Variants in CACNG4 observed in about 807,000 individuals in gnomAD.
The protein encoded by CACNG4 is voltage-dependent calcium channel gamma-4 subunit.
A neutral mutation model predicts 22.9 loss-of-function variants in CACNG4; 8 were observed. The observed-to-expected ratio is 0.35, with a 90% CI of 0.21 to 0.63. CACNG4 has a LOEUF of 0.63. CACNG4 is among the 30% of genes least tolerant of loss of function. The pLI is 0.72. For synonymous variants in CACNG4, 188 were observed against 191.9 expected (o/e 0.98, Z 0.17); for missense variants, 357 against 455.4 (o/e 0.78, Z 1.97).
intron 1 of CACNG4, among the ~76,000 whole-genome samples, chr17:66,977,984 C>G (rs1162975764): frequency 1.3e-5 from 2 of 152,186 alleles, no homozygotes; most frequent in Admixed American, 1.3e-4. Flanking sequence ...CTAAGGAGGC[C>G]TATCCCATAG....
intron 1 of CACNG4, among the ~76,000 whole-genome samples, chr17:66,980,234 G>T (rs76533096): frequency 0.011 from 1,605 of 152,216 alleles, 37 homozygotes; most frequent in African/African-American, 0.037. Flanking sequence ...TTTCCACATT[G>T]GGCTTCCATC....
chr17:66,992,012 A>G (rs1433892036), intron 1 of CACNG4, among the ~76,000 whole-genome samples: 1 of 152,136 alleles, frequency 6.6e-6, no homozygotes, highest in Non-Finnish European at 1.5e-5. Context: ...ACTCACTCAA[A>G]GGTGACCTTC....
intron 1 of CACNG4, among the ~76,000 whole-genome samples, chr17:67,002,276 C>G (rs1396411612): frequency 3.3e-5 from 5 of 152,188 alleles, no homozygotes; most frequent in Non-Finnish European, 7.3e-5. Context: ...TATTCACTAT[C>G]ACGAGAACAG....
At chr17:66,967,825 T>C (rs1458924131) in intron 1 of CACNG4, among the ~76,000 whole-genome samples, 1 of 152,252 alleles carries the variant, frequency 6.6e-6, no homozygotes, top group Non-Finnish European at 1.5e-5. Context: ...TCGTGTCTTA[T>C]AAATGATGTT....
chr17:67,011,655 G>GA (rs545105701), intron 1 of CACNG4, among the ~76,000 whole-genome samples: 25 of 120,142 alleles, frequency 2.1e-4, no homozygotes, highest in African/African-American at 1.1e-3. Context: ...GAATGAATGA[G>GA]TGAGATGAGT....
rs955096889 is a variant in CACNG4 at position 66,990,882 on chromosome 17, G to A, written c.220+25751G>A. Among the ~76,000 whole-genome samples the A allele has an allele frequency of 3.3e-5, 5 of 151,818 alleles. No individual in the cohort carries two copies. The South Asian group carries it at 8.3e-4, about 25-fold the overall frequency. On this transcript the variant is annotated intron_variant, in intron 1 of 3. Coordinates refer to ENST00000262138, the MANE Select transcript of CACNG4 (RefSeq NM_014405.4). ...TTTTTAGTAGAGACGGGGTTTCACC[G>A]TGTTAGTCAGGATGGTCTCGATCTC...
chr17:67,001,176 CT>C (rs2035405914), intron 1 of CACNG4, among the ~76,000 whole-genome samples: 1 of 152,164 alleles, frequency 6.6e-6, no homozygotes, highest in Non-Finnish European at 1.5e-5. Flanking sequence ...TAAGATGTGC[CT>C]TTGCTCCTCC....
intron 2 of CACNG4, 31 bp downstream of exon 2, chr17:67,018,303 T>A (rs756360843): frequency 3.8e-6 from 6 of 1,563,884 alleles, no homozygotes; most frequent in Non-Finnish European, 5.3e-6. Context: ...ACTCTCTTTC[T>A]GTGGGGAGGC....
chr17:66,981,923 G>A lies in CACNG4; in HGVS notation c.220+16792G>A, dbSNP rs558835833. Among the ~76,000 whole-genome samples the A allele has an allele frequency of 5.3e-5, 8 of 152,238 alleles. 1 individual carries two copies. The South Asian group carries it at 1.7e-3, about 32-fold the overall frequency. ...TTTCAGGTATATTATTGCAGAAAGA[G>A]AGCTAACTCTTATAAAAAAAAATTT... On this transcript the variant is annotated intron_variant, in intron 1 of 3. Transcript: ENST00000262138.
intron 1 of CACNG4, among the ~76,000 whole-genome samples, chr17:67,011,990 C>T (rs927695017): frequency 1.3e-5 from 2 of 152,152 alleles, no homozygotes; most frequent in African/African-American, 4.8e-5. Context: ...TAACCCAGTG[C>T]ACCTGGTGGC....
intron 1 of CACNG4, among the ~76,000 whole-genome samples, chr17:67,015,990 C>T (rs1160400797): frequency 6.6e-6 from 1 of 152,124 alleles, no homozygotes. Flanking sequence ...CACCCCACCA[C>T]CCTGAGGCCA....
rs371334947 is a variant in CACNG4 at position 67,025,008 on chromosome 17, G to T, written c.445+8G>T. The T allele has an allele frequency of 1.3e-6, 2 of 1,577,310 alleles. No homozygotes were observed. The highest frequency in any genetic ancestry group is 1.4e-5 in the African/African-American group (1 of 73,868). On this transcript the variant is annotated splice_region_variant and intron_variant, in intron 3 of 3. Coordinates refer to ENST00000262138, the MANE Select transcript of CACNG4 (RefSeq NM_014405.4). ...TCCTCTTCGTGGCTGCAGGTGAGCC[G>T]CCCGCCCGGGCTGGTGCTGGGCCGG... is the stretch of plus-strand genomic sequence containing the variant.
intron 1 of CACNG4, among the ~76,000 whole-genome samples, chr17:67,009,500 A>AGCT (rs1253810701): frequency 0.031 from 4,791 of 152,270 alleles, 251 homozygotes; most frequent in African/African-American, 0.11. Flanking sequence ...TCCTTTAAGA[A>AGCT]GGGTACCTCC....
At position 67,030,811 on chromosome 17, in the gene CACNG4, A is replaced by G. The variant is rs1279592730; in HGVS notation, c.791A>G (p.Lys264Arg). 1.2e-6 allele frequency: 2 copies of G among 1,613,956 alleles called. No individual in the cohort carries two copies. The highest frequency in any genetic ancestry group is 2.7e-5 in the African/African-American group (2 of 74,906). The change falls in exon 4 of 4, where the codon AAG (lysine) becomes AGG (arginine). Residue 264 changes from lysine (K) to arginine (R), a missense_variant. Physicochemically the swap from Lys to Arg is conservative, Grantham distance 26. This residue lies in a region of CACNG4 where 240 missense variants were observed against 277.6 expected (regional missense o/e 0.86). Coordinates refer to ENST00000262138, the MANE Select transcript of CACNG4 (RefSeq NM_014405.4). The surrounding 1 kb of genome is among the most constrained non-coding windows in gnomAD (Gnocchi z 6.4). ...AGGGACGTGTCGCCCATGGGCCTGA[A>G]GATCACAGGGGCCATCCCCATGGGG... Reference protein sequence around the residue: ...PSRDVSPMGLKITGAIPMGEL... With the variant: ...PSRDVSPMGLRITGAIPMGEL...
intron 3 of CACNG4, among the ~76,000 whole-genome samples, chr17:67,028,414 A>T (rs553433643): frequency 1.3e-5 from 2 of 151,994 alleles, no homozygotes; most frequent in East Asian, 3.9e-4. Flanking sequence ...TTAGCTGGGC[A>T]TGGTGGCGGG....
intron 1 of CACNG4, among the ~76,000 whole-genome samples, chr17:66,986,068 C>T (rs565025912): frequency 1.3e-5 from 2 of 152,362 alleles, no homozygotes; most frequent in East Asian, 1.9e-4. Context: ...GCCCCCGGCC[C>T]TGAGCCAGCT....
At chr17:66,985,057 T>A (rs941702259) in intron 1 of CACNG4, among the ~76,000 whole-genome samples, 1 of 152,134 alleles carries the variant, frequency 6.6e-6, no homozygotes, top group Non-Finnish European at 1.5e-5. Context: ...ATGGCCTTGC[T>A]TCTCTGAGAC....
intron 1 of CACNG4, among the ~76,000 whole-genome samples, chr17:66,977,370 AGAAG>A (rs2035244347): frequency 6.6e-6 from 1 of 151,912 alleles, no homozygotes; most frequent in African/African-American, 2.4e-5. Context: ...CTTCGTGCGC[AGAAG>A]GGAGTCGAAG....
In CACNG4 at chr17:67,015,638, C is replaced by T. The variant is rs60371245; in HGVS notation, c.221-2551C>T. Among the ~76,000 whole-genome samples, 170 of 152,306 alleles carry T rather than the reference C, an allele frequency of 1.1e-3. 1 individual carries two copies. Among genetic ancestry groups the T allele is most frequent in the African/African-American group, 3.9e-3 (164 of 41,554 alleles). On this transcript the variant is annotated intron_variant, in intron 1 of 3. Transcript: ENST00000262138. ...ATGGGCAGAACCCCACGCGTATATACGTGGAAGGGTGTGCCCACGAAGGAG... is the reference window on the plus strand; with the variant it reads ...ATGGGCAGAACCCCACGCGTATATATGTGGAAGGGTGTGCCCACGAAGGAG...
Sources: gnomAD v4.1 joint callset for allele counts (sites outside exome capture counted in the v4.1 genomes callset) on GRCh38, gnomAD v4.1.1 for gene constraint, gnomAD v4.1.1 regional missense constraint, Gnocchi (gnomAD v3.1) non-coding constraint, MANE v1.5 for transcripts, NCBI Gene and HGNC (gene_info 2026-07-23, HGNC 2026-07-21) for gene names.